CTDSPL: variants seen among roughly 807,000 people sequenced by gnomAD.
The protein encoded by CTDSPL is CTD small phosphatase-like protein.
A neutral mutation model predicts 30.5 loss-of-function variants in CTDSPL; 8 were observed. The ratio of observed to expected loss-of-function variants is 0.26; its 90% CI spans 0.15 to 0.47. CTDSPL has a LOEUF of 0.47. Ranked by LOEUF, CTDSPL falls within the 20% of genes least tolerant of loss-of-function variation. The pLI, the probability that CTDSPL is intolerant of heterozygous loss-of-function variation, is 0.99. For missense variants in CTDSPL, 248 were observed against 366.1 expected (o/e 0.68, Z 2.63); for synonymous variants, 110 against 137.9 (o/e 0.80, Z 1.42).
At chr3:37,971,237 G>A (rs534904911) in intron 5 of CTDSPL, among the ~76,000 whole-genome samples, 170 bp from the exon 6 acceptor site, 17 of 152,288 alleles carry the variant, frequency 1.1e-4, no homozygotes, top group African/African-American at 3.6e-4. Context: ...GGAGTGCCAC[G>A]TCTGACTCCA....
At chr3:37,941,673 G>A (rs1698980251) in intron 1 of CTDSPL, among the ~76,000 whole-genome samples, 1 of 150,236 alleles carries the variant, frequency 6.7e-6, no homozygotes, top group Non-Finnish European at 1.5e-5. Flanking sequence ...ACAGGAATGA[G>A]CCACCGCATT....
At chr3:37,925,801 C>T (rs1698774621) in intron 1 of CTDSPL, among the ~76,000 whole-genome samples, 2 of 151,900 alleles carry the variant, frequency 1.3e-5, no homozygotes, top group Non-Finnish European at 2.9e-5. Context: ...AGTTGTGAAG[C>T]ACTTTTCTCG....
chr3:37,927,686 A>ATG (rs1263897637), intron 1 of CTDSPL, among the ~76,000 whole-genome samples: 2 of 106,056 alleles, frequency 1.9e-5, no homozygotes, highest in African/African-American at 3.4e-5. Flanking sequence ...GTGTATGTGT[A>ATG]TATATATATA....
chr3:37,909,691 C>T (rs1190387348), intron 1 of CTDSPL, among the ~76,000 whole-genome samples: 1 of 152,162 alleles, frequency 6.6e-6, no homozygotes, highest in Admixed American at 6.5e-5. Context: ...AATCCTTTTG[C>T]TGGAAGAAAT....
intron 1 of CTDSPL, among the ~76,000 whole-genome samples, chr3:37,880,919 TAA>T (rs984495454): frequency 6.6e-6 from 1 of 151,302 alleles, no homozygotes; most frequent in African/African-American, 2.4e-5. Flanking sequence ...TGGTGTAGCC[TAA>T]GAGTCAGATT....
At chr3:37,954,057 A>C (rs57610218) in intron 2 of CTDSPL, among the ~76,000 whole-genome samples, 3,455 of 152,260 alleles carry the variant, frequency 0.023, 127 homozygotes, top group African/African-American at 0.077. Flanking sequence ...TGGGACAAAA[A>C]ATGTCAAAGA....
At chr3:37,917,965 T>G (rs72863913) in intron 1 of CTDSPL, among the ~76,000 whole-genome samples, 133 of 152,240 alleles carry the variant, frequency 8.7e-4, no homozygotes, top group African/African-American at 3.0e-3. Context: ...CCAAGTTTCG[T>G]AGAACTATTA....
At chr3:37,891,798 G>A (rs543024543) in intron 1 of CTDSPL, among the ~76,000 whole-genome samples, 1 of 152,254 alleles carries the variant, frequency 6.6e-6, no homozygotes, top group South Asian at 2.1e-4. Flanking sequence ...TAGAGAATAA[G>A]GATGATGTAC....
At chr3:37,932,942 C>G (rs1698871567) in intron 1 of CTDSPL, among the ~76,000 whole-genome samples, 1 of 152,112 alleles carries the variant, frequency 6.6e-6, no homozygotes, top group Non-Finnish European at 1.5e-5. Flanking sequence ...TAGTTGAGGT[C>G]AGGAGTTCGA....
intron 1 of CTDSPL, among the ~76,000 whole-genome samples, chr3:37,927,436 C>T (rs541960424): frequency 3.9e-5 from 6 of 151,932 alleles, no homozygotes; most frequent in South Asian, 4.2e-4. Context: ...TTCCAAAATC[C>T]GAAAAAATTT....
rs946903764 is a variant in CTDSPL, at chr3:37,939,572, C to G, written c.80-7485C>G. Among the ~76,000 whole-genome samples the G allele has an allele frequency of 1.3e-5, 2 of 150,198 alleles. 1 individual carries two copies. The highest frequency in any genetic ancestry group is 1.3e-4 in the Admixed American group (2 of 14,948). ...AGCTAAGACAGTGACATTCATGGTACAAATCTGATCCCGTCACTCCCCTTT... is the reference window on the plus strand; with the variant it reads ...AGCTAAGACAGTGACATTCATGGTAGAAATCTGATCCCGTCACTCCCCTTT... On this transcript the variant is annotated intron_variant, in intron 1 of 7. Coordinates refer to ENST00000273179, the MANE Select transcript of CTDSPL (RefSeq NM_001008392.2).
intron 1 of CTDSPL, among the ~76,000 whole-genome samples, chr3:37,921,324 G>T (rs929547721): frequency 2.6e-5 from 4 of 152,138 alleles, no homozygotes; most frequent in African/African-American, 9.7e-5. Flanking sequence ...TGCCTGGCTG[G>T]CCTTCACAGC....
chr3:37,954,301 A>T (rs1174713682), intron 2 of CTDSPL: 8 of 152,238 alleles, frequency 5.3e-5, no homozygotes, highest in Non-Finnish European at 1.0e-4. Context: ...TTTTTAAAGA[A>T]TTATGTTAAC....
chr3:37,885,789 G>A (rs1209416497), intron 1 of CTDSPL, among the ~76,000 whole-genome samples: 1 of 152,166 alleles, frequency 6.6e-6, no homozygotes, highest in Non-Finnish European at 1.5e-5. Flanking sequence ...CTAGTGCTAG[G>A]AAGGGCTGAT....
At chr3:37,973,342 CT>C (rs1244227574) in intron 6 of CTDSPL, among the ~76,000 whole-genome samples, 2 of 152,202 alleles carry the variant, frequency 1.3e-5, no homozygotes, top group African/African-American at 2.4e-5. Flanking sequence ...GAAGTGAGAG[CT>C]GTTTTTTGTT....
chr3:37,943,625 T>C (rs1466117836), intron 1 of CTDSPL, among the ~76,000 whole-genome samples: 1 of 150,252 alleles, frequency 6.7e-6, no homozygotes, highest in African/African-American at 2.4e-5. Flanking sequence ...TATGGGGAGA[T>C]GTATGCATTC....
At chr3:37,932,548 A>G (rs1698866690) in intron 1 of CTDSPL, among the ~76,000 whole-genome samples, 1 of 152,252 alleles carries the variant, frequency 6.6e-6, no homozygotes, top group Non-Finnish European at 1.5e-5. Context: ...AGAAATAGAA[A>G]TGACCAAAAT....
At chr3:37,888,719 G>A (rs956053199) in intron 1 of CTDSPL, among the ~76,000 whole-genome samples, 2 of 152,170 alleles carry the variant, frequency 1.3e-5, no homozygotes, top group African/African-American at 4.8e-5. Flanking sequence ...AGTTTGTTTG[G>A]GGGACCATCT....
intron 1 of CTDSPL, among the ~76,000 whole-genome samples, chr3:37,877,520 C>T (rs557454087): frequency 6.6e-6 from 1 of 152,298 alleles, no homozygotes; most frequent in East Asian, 1.9e-4. Context: ...ACTTGTGTCA[C>T]TTCCATGTTT....
Sources: gnomAD v4.1 joint callset for allele counts (sites outside exome capture counted in the v4.1 genomes callset) on GRCh38, gnomAD v4.1.1 for gene constraint, MANE v1.5 for transcripts, NCBI Gene and HGNC (gene_info 2026-07-23, HGNC 2026-07-21) for gene names.